SUGCT: variants seen among roughly 807,000 people sequenced by gnomAD.
SUGCT encodes the protein succinyl-CoA:glutarate-CoA transferase.
A neutral mutation model predicts 55.0 loss-of-function variants in SUGCT; 41 were observed. The ratio of observed to expected loss-of-function variants is 0.74; its 90% CI spans 0.58 to 0.97. The LOEUF (loss-of-function observed/expected upper bound fraction) is 0.97. Among genes scored for constraint, SUGCT ranks in the 50% least tolerant of loss-of-function variants. The probability of loss-of-function intolerance (pLI) is 0.00; values close to 1 mark genes in which losing one functional copy is unlikely to be tolerated. For synonymous variants in SUGCT, 187 were observed against 200.4 expected, an observed-to-expected ratio of 0.93 and a Z score of 0.56; for missense variants, 568 against 547.8, an observed-to-expected ratio of 1.04 and a Z score of -0.37.
At chr7:40,711,640 C>A (rs1785727860) in intron 12 of SUGCT, among the ~76,000 whole-genome samples, 1 of 152,230 alleles carries the variant, frequency 6.6e-6, no homozygotes, top group Admixed American at 6.5e-5. Context: ...CCATAGACCT[C>A]CATTCCTCCA....
chr7:40,171,033 T>C (rs1784645885), intron 1 of SUGCT, among the ~76,000 whole-genome samples: 1 of 152,220 alleles, frequency 6.6e-6, no homozygotes, highest in Non-Finnish European at 1.5e-5. Flanking sequence ...ACAGTTCTTA[T>C]GCAAATTTAT....
intron 13 of SUGCT, among the ~76,000 whole-genome samples, chr7:40,784,616 A>G (rs1471559189): frequency 6.6e-6 from 1 of 152,192 alleles, no homozygotes; most frequent in African/African-American, 2.4e-5. Context: ...GGACTGGGGA[A>G]GAAATAACTT....
chr7:40,336,852 T>G (rs1331508349), intron 9 of SUGCT, among the ~76,000 whole-genome samples: 1 of 149,378 alleles, frequency 6.7e-6, no homozygotes, highest in Non-Finnish European at 1.5e-5. Context: ...GGGTGTCAAT[T>G]TTAGATCTTT....
intron 12 of SUGCT, among the ~76,000 whole-genome samples, chr7:40,537,672 A>T (rs949588650): frequency 2.0e-5 from 3 of 152,224 alleles, no homozygotes; most frequent in African/African-American, 7.2e-5. Flanking sequence ...TGGACTGTTA[A>T]CAGAGATCGT....
chr7:40,427,671 C>T (rs185279154), intron 9 of SUGCT, among the ~76,000 whole-genome samples: 4 of 152,136 alleles, frequency 2.6e-5, no homozygotes, highest in Admixed American at 6.6e-5. Context: ...AAGCAGAAGA[C>T]GACAAGGCTG....
At chr7:40,176,363 A>G (rs1784922495) in intron 1 of SUGCT, among the ~76,000 whole-genome samples, 1 of 152,092 alleles carries the variant, frequency 6.6e-6, no homozygotes, top group Admixed American at 6.6e-5. Flanking sequence ...TTATCAAAAC[A>G]CTGCAGGGGG....
chr7:40,688,207 C>T (rs1434603998), intron 12 of SUGCT, among the ~76,000 whole-genome samples: 1 of 152,146 alleles, frequency 6.6e-6, no homozygotes, highest in African/African-American at 2.4e-5. Context: ...AACTTTCTTC[C>T]ATGTGACAAT....
At chr7:40,794,237 C>T (rs770981546) in intron 13 of SUGCT, among the ~76,000 whole-genome samples, 4 of 152,080 alleles carry the variant, frequency 2.6e-5, no homozygotes, top group Admixed American at 6.5e-5. Flanking sequence ...CATATTCCTT[C>T]GTGTTTGTTT....
At chr7:40,713,140 A>G (rs1785814873) in intron 12 of SUGCT, among the ~76,000 whole-genome samples, 1 of 152,184 alleles carries the variant, frequency 6.6e-6, no homozygotes, top group Non-Finnish European at 1.5e-5. Context: ...GTTACCTGTC[A>G]GGAAAGGGAC....
chr7:40,986,101 A>G, the SUGCT span, among the ~76,000 whole-genome samples: 2 of 152,360 alleles, frequency 1.3e-5, no homozygotes, highest in Admixed American at 6.5e-5. Flanking sequence ...CCTCTAGCCC[A>G]TAAAATGATT....
chr7:40,368,868 C>T lies in SUGCT; in HGVS notation c.816+52013C>T, dbSNP rs138227917. 1.6e-4 allele frequency among the ~76,000 whole-genome samples: 25 copies of T among 152,072 alleles called. No individual in the cohort carries two copies. The East Asian group carries it at 3.1e-3, about 19-fold the overall frequency. On this transcript the variant is annotated intron_variant, in intron 9 of 13. Coordinates refer to ENST00000335693, the MANE Select transcript of SUGCT (RefSeq NM_001193313.2). ...CCTGTAATTCCAGTACTTTGGGAGG[C>T]TGAGGAGGGCGAATCACCTGAGGTC...
intron 8 of SUGCT, among the ~76,000 whole-genome samples, chr7:40,306,142 CT>C (rs1234225730): frequency 6.6e-6 from 1 of 152,086 alleles, no homozygotes; most frequent in Non-Finnish European, 1.5e-5. Flanking sequence ...GGATTTTGTC[CT>C]TGCTGCTTTG....
chr7:40,219,120 C>A (rs909327961), intron 6 of SUGCT, among the ~76,000 whole-genome samples: 1 of 152,070 alleles, frequency 6.6e-6, no homozygotes, highest in Admixed American at 6.5e-5. Flanking sequence ...CAACTCTGGA[C>A]GCGCCACCTT....
At chr7:40,664,295 T>C (rs1161291722) in intron 12 of SUGCT, among the ~76,000 whole-genome samples, 1 of 152,230 alleles carries the variant, frequency 6.6e-6, no homozygotes, top group Admixed American at 6.5e-5. Flanking sequence ...GTGATTTTTA[T>C]GCATGTTAAG....
the SUGCT span, among the ~76,000 whole-genome samples, chr7:40,920,265 T>A: frequency 6.6e-6 from 1 of 152,238 alleles, no homozygotes; most frequent in Non-Finnish European, 1.5e-5. Context: ...TGCCTAGATA[T>A]GGCATATATG....
chr7:40,557,462 A>C (rs1465820543), intron 12 of SUGCT, among the ~76,000 whole-genome samples: 1 of 152,182 alleles, frequency 6.6e-6, no homozygotes, highest in Non-Finnish European at 1.5e-5. Flanking sequence ...CAAAATTAAA[A>C]ACTTTTGTAC....
intron 6 of SUGCT, among the ~76,000 whole-genome samples, chr7:40,231,774 A>C (rs1478964108): frequency 2.6e-5 from 4 of 152,234 alleles, no homozygotes; most frequent in Non-Finnish European, 5.9e-5. Flanking sequence ...AGCTTTAGGC[A>C]GGAAAGTAGT....
the SUGCT span, among the ~76,000 whole-genome samples, chr7:40,953,018 A>G: frequency 3.3e-5 from 5 of 152,198 alleles, no homozygotes; most frequent in South Asian, 4.1e-4. Flanking sequence ...AGATTGGGGA[A>G]GTTCTCTGGA....
intron 8 of SUGCT, among the ~76,000 whole-genome samples, chr7:40,285,882 A>G (rs1158101109): frequency 2.0e-5 from 3 of 152,170 alleles, no homozygotes; most frequent in Non-Finnish European, 4.4e-5. Context: ...TTCTAGATGA[A>G]TAATAGTTAA....
Sources: gnomAD v4.1 joint callset for allele counts (sites outside exome capture counted in the v4.1 genomes callset) on GRCh38, gnomAD v4.1.1 for gene constraint, MANE v1.5 for transcripts, NCBI Gene and HGNC (gene_info 2026-07-23, HGNC 2026-07-21) for gene names.